FNDC3B: variants seen among roughly 807,000 people sequenced by gnomAD.
FNDC3B encodes fibronectin type III domain containing 3B, also known as fibronectin type III domain-containing protein 3B.
FNDC3B carries 12 observed loss-of-function variants against 151.5 expected under a neutral mutation model. That is an observed-to-expected ratio of 0.08 (90% CI 0.05 to 0.13). FNDC3B has a LOEUF of 0.13. Among genes scored for constraint, FNDC3B ranks in the 10% least tolerant of loss-of-function variants. FNDC3B has a pLI of 1.00. For synonymous variants in FNDC3B, 528 were observed against 549.0 expected (o/e 0.96, Z 0.54); for missense variants, 1,214 against 1,505.3 (o/e 0.81, Z 3.20).
At chr3:172,156,061 A>G (rs1373976776) in intron 3 of FNDC3B, among the ~76,000 whole-genome samples, 1 of 152,170 alleles carries the variant, frequency 6.6e-6, no homozygotes, top group African/African-American at 2.4e-5. Context: ...AACTGCGAGT[A>G]GGAGGCCATG....
intron 24 of FNDC3B, 105 bp downstream of exon 24, chr3:172,378,541 T>C (rs1418159580): frequency 4.8e-6 from 5 of 1,046,718 alleles, no homozygotes; most frequent in Non-Finnish European, 6.7e-6. Flanking sequence ...GTCAGCAAGA[T>C]AGAATCAAAA....
intron 3 of FNDC3B, among the ~76,000 whole-genome samples, chr3:172,220,863 A>C (rs1006515649): frequency 3.3e-5 from 5 of 152,130 alleles, no homozygotes; most frequent in Non-Finnish European, 7.4e-5. Context: ...GAGGCCGAGG[A>C]ATATCACTTG....
At chr3:172,257,314 T>C (rs1416241716) in intron 6 of FNDC3B, among the ~76,000 whole-genome samples, 1 of 152,226 alleles carries the variant, frequency 6.6e-6, no homozygotes, top group Non-Finnish European at 1.5e-5. Context: ...GTCTTTTTCA[T>C]ATATGACTTT....
At chr3:172,163,986 G>A (rs1362227572) in intron 3 of FNDC3B, among the ~76,000 whole-genome samples, 2 of 152,206 alleles carry the variant, frequency 1.3e-5, no homozygotes, top group East Asian at 1.9e-4. Context: ...ATTTAATCTC[G>A]CTTGAGTTTT....
chr3:172,290,192 G>T (rs1194296796), intron 7 of FNDC3B, among the ~76,000 whole-genome samples: 1 of 152,166 alleles, frequency 6.6e-6, no homozygotes, highest in Admixed American at 6.5e-5. Flanking sequence ...TTTTGCAGAT[G>T]ATTTTATTTA....
chr3:172,176,281 T>G (rs1389960943), intron 3 of FNDC3B, among the ~76,000 whole-genome samples: 2 of 152,182 alleles, frequency 1.3e-5, no homozygotes, highest in Non-Finnish European at 2.9e-5. Flanking sequence ...CAGCAAATTT[T>G]AAAGAAGTGG....
chr3:172,291,811 C>T (rs757171470), intron 7 of FNDC3B, among the ~76,000 whole-genome samples: 2 of 152,136 alleles, frequency 1.3e-5, no homozygotes, highest in Non-Finnish European at 2.9e-5. Context: ...TCAGATTAGC[C>T]GTGCCCTAGT....
At chr3:172,310,609 G>A (rs1433476752) in intron 10 of FNDC3B, among the ~76,000 whole-genome samples, 1 of 152,194 alleles carries the variant, frequency 6.6e-6, no homozygotes, top group Non-Finnish European at 1.5e-5. Flanking sequence ...GGCTATTTGT[G>A]GAGTATGATT....
chr3:172,286,094 G>T lies in FNDC3B; in HGVS notation c.849+110G>T. The T allele has an allele frequency of 4.1e-6, 3 of 737,724 alleles. No homozygotes were observed. The South Asian group carries it at 4.9e-5, about 12-fold the overall frequency. 45.7% of individuals were successfully genotyped at this position (737,724 alleles called of 1,614,324 possible). ...GTAAGGAAAAGGGCTCTTTCCCTTT[G>T]CAGATTACTCATCAACTATGAAATA... On this transcript the variant is annotated intron_variant, in intron 7 of 25. Coordinates refer to ENST00000415807, the MANE Select transcript of FNDC3B (RefSeq NM_022763.4).
chr3:172,383,715 C>A (rs1388710303), intron 25 of FNDC3B, among the ~76,000 whole-genome samples: 2 of 152,170 alleles, frequency 1.3e-5, no homozygotes, highest in African/African-American at 2.4e-5. Context: ...AGAGAGAATG[C>A]ATTTGGAATA....
chr3:172,381,974 G>A (rs573902997), intron 25 of FNDC3B, among the ~76,000 whole-genome samples: 46 of 152,134 alleles, frequency 3.0e-4, no homozygotes, highest in Non-Finnish European at 5.6e-4. Flanking sequence ...ATAATCCTTT[G>A]GGTATATACC....
intron 1 of FNDC3B, among the ~76,000 whole-genome samples, chr3:172,043,372 C>G (rs1203121059): frequency 6.6e-6 from 1 of 152,148 alleles, no homozygotes; most frequent in Non-Finnish European, 1.5e-5. Flanking sequence ...GACAGACTCT[C>G]GCTCTGTTAC....
At chr3:172,303,779 T>G (rs1731054658) in intron 9 of FNDC3B, among the ~76,000 whole-genome samples, 1 of 152,148 alleles carries the variant, frequency 6.6e-6, no homozygotes, top group African/African-American at 2.4e-5. Flanking sequence ...TAGCAGAGAT[T>G]TTTCTTTTCT....
At chr3:172,115,693 C>T (rs748805572) in intron 2 of FNDC3B, among the ~76,000 whole-genome samples, 3 of 152,150 alleles carry the variant, frequency 2.0e-5, no homozygotes, top group South Asian at 4.1e-4. Flanking sequence ...AACAGACCCT[C>T]GGCGGTGGCA....
intron 6 of FNDC3B, among the ~76,000 whole-genome samples, chr3:172,283,214 A>AT (rs1013918940): frequency 7.2e-5 from 11 of 151,818 alleles, no homozygotes; most frequent in Admixed American, 3.3e-4. Context: ...CCTGAAACTC[A>AT]TTTTTTTTGA....
intron 14 of FNDC3B, among the ~76,000 whole-genome samples, chr3:172,334,475 T>C (rs1732848946): frequency 6.6e-6 from 1 of 152,170 alleles, no homozygotes; most frequent in Admixed American, 6.5e-5. Flanking sequence ...GGAGTTTCGC[T>C]CTTGTTGCCC....
intron 1 of FNDC3B, among the ~76,000 whole-genome samples, chr3:172,077,048 A>G (rs1358247958): frequency 6.6e-6 from 1 of 152,224 alleles, no homozygotes; most frequent in Non-Finnish European, 1.5e-5. Flanking sequence ...CGAGTGATCA[A>G]ATCACATAAT....
chr3:172,124,367 G>A (rs191487595), intron 2 of FNDC3B, among the ~76,000 whole-genome samples: 123 of 152,264 alleles, frequency 8.1e-4, no homozygotes, highest in Admixed American at 2.5e-3. Context: ...CTGGGATTTC[G>A]GGCGTGAGCC....
intron 6 of FNDC3B, among the ~76,000 whole-genome samples, chr3:172,275,403 G>A (rs1729385701): frequency 6.6e-6 from 1 of 152,124 alleles, no homozygotes; most frequent in African/African-American, 2.4e-5. Context: ...CATCTGCAGG[G>A]CTTAAGAGAA....
Sources: gnomAD v4.1 joint callset for allele counts (sites outside exome capture counted in the v4.1 genomes callset) on GRCh38, gnomAD v4.1.1 for gene constraint, MANE v1.5 for transcripts, NCBI Gene and HGNC (gene_info 2026-07-23, HGNC 2026-07-21) for gene names.